The following ADGRG7 variants were observed in gnomAD, a reference collection of about 807,000 sequenced individuals.
ADGRG7 encodes the protein adhesion G protein-coupled receptor G7, also known as G-protein coupled receptor 128.
A neutral mutation model predicts 88.6 loss-of-function variants in ADGRG7; 82 were observed. The ratio of observed to expected loss-of-function variants is 0.93; its 90% CI spans 0.77 to 1.11. ADGRG7 has a LOEUF of 1.11. Among genes scored for constraint, ADGRG7 ranks in the 50% most tolerant of loss-of-function variants. ADGRG7 has a pLI of 0.00. For synonymous variants in ADGRG7, 381 were observed against 345.2 expected (o/e 1.10, Z -1.15); for missense variants, 945 against 953.4 (o/e 0.99, Z 0.12).
chr3:100,648,026 A>C (rs1576324113), intron 10 of ADGRG7, among the ~76,000 whole-genome samples: 1 of 152,256 alleles, frequency 6.6e-6, no homozygotes, highest in East Asian at 1.9e-4. Flanking sequence ...TTTCTTTTCT[A>C]ATTTGTATTA....
intron 14 of ADGRG7, among the ~76,000 whole-genome samples, chr3:100,667,135 C>G (rs2094952892): frequency 1.3e-5 from 2 of 152,114 alleles, no homozygotes; most frequent in South Asian, 2.1e-4. Flanking sequence ...GCCACAGCCT[C>G]CCGAGTAGCT....
chr3:100,663,526 C>T (rs1214346248), intron 14 of ADGRG7, among the ~76,000 whole-genome samples: 1 of 152,042 alleles, frequency 6.6e-6, no homozygotes, highest in African/African-American at 2.4e-5. Flanking sequence ...AGAACTTTCT[C>T]ATCTCCAACT....
At chr3:100,642,727 T>C (rs529342344) in intron 6 of ADGRG7, among the ~76,000 whole-genome samples, 1 of 152,184 alleles carries the variant, frequency 6.6e-6, no homozygotes, top group Non-Finnish European at 1.5e-5. Flanking sequence ...AAAAGAACAT[T>C]GTAAAAACCT....
intron 6 of ADGRG7, among the ~76,000 whole-genome samples, chr3:100,637,893 G>A (rs1003518992): frequency 5.3e-5 from 8 of 152,134 alleles, no homozygotes; most frequent in Non-Finnish European, 7.4e-5. Context: ...GGGGTGCCCC[G>A]TTTACTCAGC....
In ADGRG7 at chr3:100,646,082, T is replaced by A; in HGVS notation, c.1084T>A (p.Ser362Thr). Residue 362 changes from serine to threonine, a missense_variant, in exon 9 of 16, where the codon TCT (serine) becomes ACT (threonine). Physicochemically the swap from Ser to Thr is moderately conservative, Grantham distance 58. Coordinates refer to ENST00000273352, the MANE Select transcript of ADGRG7 (RefSeq NM_032787.3). Reference protein sequence around the residue: ...TDENEQDQSASVDMVFSPKYN... With the variant: ...TDENEQDQSATVDMVFSPKYN... Reference sequence around the variant, plus strand: ...TGAAAATGAGCAAGATCAGAGTGCTTCTGTTGACATGGTCTTTAGTCCAAA... The same window carrying A: ...TGAAAATGAGCAAGATCAGAGTGCTACTGTTGACATGGTCTTTAGTCCAAA... 1 of 1,613,888 alleles carries A rather than the reference T, an allele frequency of 6.2e-7. No homozygotes were observed. The highest frequency in any genetic ancestry group is 8.5e-7 in the Non-Finnish European group (1 of 1,179,932).
chr3:100,616,353 T>C (rs978433669), intron 1 of ADGRG7, among the ~76,000 whole-genome samples: 3 of 151,796 alleles, frequency 2.0e-5, no homozygotes, highest in Non-Finnish European at 4.4e-5. Flanking sequence ...GAATATAAAA[T>C]ATGTTTAACA....
intron 1 of ADGRG7, among the ~76,000 whole-genome samples, chr3:100,628,543 A>C (rs565878213): frequency 6.6e-6 from 1 of 152,094 alleles, no homozygotes; most frequent in African/African-American, 2.4e-5. Context: ...TTTAGTAGAG[A>C]TGCGGTTTCA....
chr3:100,630,385 G>A (rs999690995), intron 2 of ADGRG7, among the ~76,000 whole-genome samples: 5 of 152,114 alleles, frequency 3.3e-5, no homozygotes, highest in Non-Finnish European at 5.9e-5. Flanking sequence ...TCATGGTACC[G>A]TTGACCACTA....
intron 14 of ADGRG7, among the ~76,000 whole-genome samples, chr3:100,662,614 A>G (rs564090742): frequency 6.6e-6 from 1 of 152,238 alleles, no homozygotes; most frequent in East Asian, 1.9e-4. Flanking sequence ...TACTGTGATT[A>G]CCAGTTGATT....
chr3:100,624,209 TA>T (rs1267640806), intron 1 of ADGRG7, among the ~76,000 whole-genome samples: 1 of 152,236 alleles, frequency 6.6e-6, no homozygotes, highest in East Asian at 1.9e-4. Context: ...TATTGTTTCT[TA>T]ACTCTTTAAT....
chr3:100,677,803 C>G lies in ADGRG7; in HGVS notation c.2136+8698C>G, dbSNP rs1211799931. Among the ~76,000 whole-genome samples, 6 of 152,068 alleles carry G rather than the reference C, an allele frequency of 3.9e-5. No homozygotes were observed. The East Asian group carries it at 1.2e-3, about 29-fold the overall frequency. ...AAAGCTGCTGCCAGACAAATTGAAG[C>G]TCTGTTGTATATTATTTGTTTATTT... On this transcript the variant is annotated intron_variant, in intron 15 of 15. Coordinates refer to ENST00000273352, the MANE Select transcript of ADGRG7 (RefSeq NM_032787.3).
intron 1 of ADGRG7, among the ~76,000 whole-genome samples, chr3:100,622,969 G>A (rs1305854288): frequency 6.7e-6 from 1 of 149,614 alleles, no homozygotes; most frequent in Non-Finnish European, 1.5e-5. Context: ...AGACCAGGTT[G>A]GCCAGGCTGG....
intron 14 of ADGRG7, among the ~76,000 whole-genome samples, 172 bp downstream of exon 14, chr3:100,660,015 G>A (rs990185977): frequency 2.3e-4 from 35 of 152,148 alleles, no homozygotes; most frequent in East Asian, 1.9e-4. Flanking sequence ...GGATCTTCTC[G>A]TCTTCTCACA....
chr3:100,684,251 T>TTTTATATATTTATTTATTTATTTA (rs1214410103), intron 15 of ADGRG7, among the ~76,000 whole-genome samples: 1 of 44,016 alleles, frequency 2.3e-5, no homozygotes, highest in African/African-American at 6.6e-5. Context: ...AGTTTTTCCA[T>TTTTATATATTTATTTATTTATTTA]TTTATCTATT....
Position 100,669,031 on chromosome 3 carries a change from T to C in ADGRG7, c.2062T>C (p.Tyr688His). The stretch of plus-strand genomic sequence containing the variant: ...TTTTGGAATTACCTGGATTCTAGCA[T>C]ACCTGATGCTAGTTAATGATGATAG... ...VVFGITWILA[Y>H]LMLVNDDSIR... Residue 688 changes from tyrosine to histidine, a missense_variant, in exon 15 of 16, where the codon TAC (tyrosine) becomes CAC (histidine). By Grantham distance (83) the Tyr-to-His change is moderately conservative (BLOSUM62 2). Coordinates refer to ENST00000273352, the MANE Select transcript of ADGRG7 (RefSeq NM_032787.3). 1 of 1,606,128 alleles carries C rather than the reference T, an allele frequency of 6.2e-7. No homozygotes were observed. Among genetic ancestry groups the C allele is most frequent in the Non-Finnish European group, 8.5e-7 (1 of 1,176,420 alleles).
Position 100,654,972 on chromosome 3 carries a change from T to C in ADGRG7, c.1517T>C (p.Ile506Thr). 6.2e-7 allele frequency: 1 copy of C among 1,614,130 alleles called. No homozygotes were observed. The highest frequency in any genetic ancestry group is 8.5e-7 in the Non-Finnish European group (1 of 1,179,990). ...ACAAGTGATGGTGACATCAATAATA[T>C]TGACTTTGACAATAATGACATACCC... ...LQTSDGDINN[I>T]DFDNNDIPRT... The change falls in exon 12 of 16, where the codon ATT becomes ACT. Residue 506 changes from isoleucine (I) to threonine (T), a missense_variant. Ile to Thr is a moderately conservative substitution (Grantham distance 89). Coordinates refer to ENST00000273352, the MANE Select transcript of ADGRG7 (RefSeq NM_032787.3).
chr3:100,631,810 G>A (rs771084929), intron 3 of ADGRG7, among the ~76,000 whole-genome samples: 34 of 151,966 alleles, frequency 2.2e-4, no homozygotes, highest in African/African-American at 3.4e-4. Context: ...ATGCATATCC[G>A]TATTTGATTT....
intron 1 of ADGRG7, among the ~76,000 whole-genome samples, chr3:100,617,154 A>G (rs1394494967): frequency 6.6e-6 from 1 of 152,200 alleles, no homozygotes; most frequent in Non-Finnish European, 1.5e-5. Context: ...AAAATTTAAA[A>G]GATGTTTATA....
At chr3:100,665,618 G>A (rs2094950804) in intron 14 of ADGRG7, 3 of 345,096 alleles carry the variant, frequency 8.7e-6, no homozygotes, top group Admixed American at 4.0e-5. Flanking sequence ...GAAGAAATAT[G>A]GTTAAAATAT....
Sources: allele counts gnomAD v4.1 joint callset (sites outside exome capture counted in the v4.1 genomes callset), GRCh38; gene constraint gnomAD v4.1.1; transcripts MANE v1.5; gene names NCBI Gene and HGNC (gene_info 2026-07-23, HGNC 2026-07-21).